The following VWA3B variants were observed in gnomAD, a reference collection of about 807,000 sequenced individuals.
VWA3B encodes the protein von Willebrand factor A domain containing 3B, also known as von Willebrand factor A domain-containing protein 3B.
In VWA3B, 138 loss-of-function variants were observed where a neutral mutation model predicts 158.3. The ratio of observed to expected loss-of-function variants is 0.87; its 90% CI spans 0.76 to 1.00. VWA3B has a LOEUF of 1.00. Ranked by LOEUF, VWA3B falls within the 50% of genes least tolerant of loss-of-function variation. The pLI is 0.00. For missense variants in VWA3B, 1,555 were observed against 1,565.1 expected (o/e 0.99, Z 0.11); for synonymous variants, 596 against 587.3 (o/e 1.01, Z -0.21).
chr2:98,143,837 A>G (rs999881366), intron 7 of VWA3B, among the ~76,000 whole-genome samples: 8 of 150,482 alleles, frequency 5.3e-5, no homozygotes, highest in Non-Finnish European at 1.0e-4. Context: ...TGCAGCCTCA[A>G]CCTCCTTTGC....
chr2:98,110,112 C>A (rs1422578196), intron 2 of VWA3B, among the ~76,000 whole-genome samples: 1 of 149,684 alleles, frequency 6.7e-6, no homozygotes, highest in Non-Finnish European at 1.5e-5. Flanking sequence ...TTCCCCCTAC[C>A]CTCTTTCTCT....
At chr2:98,269,242 A>G (rs915361636) in intron 21 of VWA3B, 4 of 152,106 alleles carry the variant, frequency 2.6e-5, no homozygotes, top group Admixed American at 6.5e-5. Context: ...TATCCCAGCT[A>G]GAGATTTGGG....
chr2:98,244,623 T>C (rs1686277442), intron 19 of VWA3B, among the ~76,000 whole-genome samples: 1 of 152,154 alleles, frequency 6.6e-6, no homozygotes, highest in Non-Finnish European at 1.5e-5. Flanking sequence ...AGTTTTAGTG[T>C]TTTATTTATT....
chr2:98,293,390 T>G (rs1410772950), intron 23 of VWA3B, among the ~76,000 whole-genome samples: 2 of 152,234 alleles, frequency 1.3e-5, no homozygotes, highest in African/African-American at 4.8e-5. Context: ...CTCAGCCAGA[T>G]TAAGTGGCAG....
intron 14 of VWA3B, among the ~76,000 whole-genome samples, chr2:98,221,990 G>T (rs79744683): frequency 6.6e-6 from 1 of 152,152 alleles, no homozygotes; most frequent in Non-Finnish European, 1.5e-5. Context: ...TCCCCCATCC[G>T]TGGTGTTAGT....
chr2:98,213,704 T>C (rs1683738294), intron 13 of VWA3B, among the ~76,000 whole-genome samples: 1 of 152,170 alleles, frequency 6.6e-6, no homozygotes, highest in South Asian at 2.1e-4. Flanking sequence ...TTTGCGAACC[T>C]CTAGGGAGTG....
At chr2:98,179,124 C>T (rs1191995091) in intron 8 of VWA3B, 2 of 444,788 alleles carry the variant, frequency 4.5e-6, no homozygotes, top group Admixed American at 2.5e-5. Flanking sequence ...ACCAAGCGGC[C>T]ATCGCCCAGC....
chr2:98,241,674 G>A (rs553405586), intron 19 of VWA3B, among the ~76,000 whole-genome samples: 73 of 151,990 alleles, frequency 4.8e-4, no homozygotes, highest in Admixed American at 1.4e-3. Flanking sequence ...CATCCTAGTC[G>A]TCTGCCTCTA....
At chr2:98,210,692 T>C (rs1475200233) in intron 12 of VWA3B, among the ~76,000 whole-genome samples, 2 of 152,088 alleles carry the variant, frequency 1.3e-5, no homozygotes, top group African/African-American at 2.4e-5. Context: ...GCTGGATGTG[T>C]TCTGGATCTT....
intron 21 of VWA3B, among the ~76,000 whole-genome samples, chr2:98,259,516 CTA>C (rs1418234134): frequency 6.6e-6 from 1 of 151,596 alleles, no homozygotes; most frequent in Non-Finnish European, 1.5e-5. Context: ...TCTAGATTAT[CTA>C]TTTTTGGCAT....
intron 22 of VWA3B, 122 bp downstream of exon 22, chr2:98,271,005 G>A: frequency 1.0e-6 from 1 of 975,584 alleles, no homozygotes; most frequent in Non-Finnish European, 1.5e-6. Flanking sequence ...AAAAGTGTTA[G>A]AGCCAATCCA....
intron 7 of VWA3B, among the ~76,000 whole-genome samples, chr2:98,142,019 C>G (rs943457185): frequency 6.6e-6 from 1 of 152,138 alleles, no homozygotes; most frequent in African/African-American, 2.4e-5. Flanking sequence ...ATTTTTTATT[C>G]CAGTCTCCTC....
chr2:98,207,480 A>G, intron 12 of VWA3B: 1 of 504,720 alleles, frequency 2.0e-6, no homozygotes, highest in Non-Finnish European at 3.9e-6. Flanking sequence ...GTATGGATTA[A>G]CTTTCTGAGG....
chr2:98,194,534 C>T (rs1485998562), intron 12 of VWA3B, 42 bp downstream of exon 12: 3 of 1,607,226 alleles, frequency 1.9e-6, no homozygotes, highest in Non-Finnish European at 2.6e-6. Context: ...CTAGGAGTCT[C>T]TCACCTGTGT....
intron 14 of VWA3B, among the ~76,000 whole-genome samples, chr2:98,221,871 C>G (rs1195668316): frequency 2.6e-5 from 4 of 152,116 alleles, no homozygotes; most frequent in Non-Finnish European, 5.9e-5. Context: ...TTGTGCTTCA[C>G]CAGAGTCCTC....
intron 19 of VWA3B, among the ~76,000 whole-genome samples, chr2:98,237,041 T>G (rs1192677562): frequency 6.6e-6 from 1 of 152,180 alleles, no homozygotes; most frequent in Non-Finnish European, 1.5e-5. Flanking sequence ...CCAGGCATGG[T>G]GGCATGCACC....
intron 1 of VWA3B, 54 bp from the exon 2 acceptor site, chr2:98,093,007 C>A: frequency 7.6e-7 from 1 of 1,310,532 alleles, no homozygotes; most frequent in Non-Finnish European, 1.1e-6. Context: ...CCCCTGTTGA[C>A]GTTAGATGAT....
chr2:98,200,954 G>A (rs192749065), intron 12 of VWA3B, among the ~76,000 whole-genome samples: 1 of 152,142 alleles, frequency 6.6e-6, no homozygotes, highest in African/African-American at 2.4e-5. Context: ...ATCCGTGTGG[G>A]TCTATTTTTG....
In VWA3B at chr2:98,312,407, T is replaced by A; in HGVS notation, c.*58T>A. Reference sequence around the variant, plus strand: ...AGCGTCCTTCCAGGCTGTTCAGACCTCAGCGTTGACACTGAAACTGGCCCC... The same window carrying A: ...AGCGTCCTTCCAGGCTGTTCAGACCACAGCGTTGACACTGAAACTGGCCCC... On this transcript the variant is annotated 3_prime_UTR_variant, in exon 28 of 28. Transcript: ENST00000477737. 1 of 1,544,484 alleles carries A rather than the reference T, an allele frequency of 6.5e-7. No individual in the cohort carries two copies. Among genetic ancestry groups the A allele is most frequent in the Non-Finnish European group, 8.7e-7 (1 of 1,146,272 alleles).
Sources: allele counts gnomAD v4.1 joint callset (sites outside exome capture counted in the v4.1 genomes callset), GRCh38; gene constraint gnomAD v4.1.1; transcripts MANE v1.5; gene names NCBI Gene and HGNC (gene_info 2026-07-23, HGNC 2026-07-21).